The following SYTL3 variants were observed in gnomAD, a reference collection of about 807,000 sequenced individuals.
SYTL3 encodes the protein synaptotagmin like 3.
Under a neutral mutation model 82.1 loss-of-function variants are expected in SYTL3, and 88 were observed. The ratio of observed to expected loss-of-function variants is 1.07; its 90% CI spans 0.90 to 1.28. The LOEUF (loss-of-function observed/expected upper bound fraction) is 1.28. Ranked by LOEUF, SYTL3 falls within the 50% of genes most tolerant of loss-of-function variation. The pLI is 0.00. For synonymous variants in SYTL3, 311 were observed against 289.4 expected (o/e 1.07, Z -0.76); for missense variants, 831 against 757.6 (o/e 1.10, Z -1.14).
chr6:158,676,138 T>C (rs1293014033), intron 5 of SYTL3, among the ~76,000 whole-genome samples: 1 of 152,188 alleles, frequency 6.6e-6, no homozygotes, highest in Non-Finnish European at 1.5e-5. Flanking sequence ...GGCATCACAC[T>C]ACCTGACTTC....
chr6:158,717,707 C>T (rs1168547263), intron 9 of SYTL3, among the ~76,000 whole-genome samples: 1 of 152,046 alleles, frequency 6.6e-6, no homozygotes, highest in Non-Finnish European at 1.5e-5. Context: ...TGTAAGGAAC[C>T]CCTAGAAAGC....
At chr6:158,713,012 G>T (rs550679278) in intron 8 of SYTL3, among the ~76,000 whole-genome samples, 7 of 151,894 alleles carry the variant, frequency 4.6e-5, no homozygotes, top group Non-Finnish European at 8.8e-5. Context: ...CGCCCGCCTC[G>T]GGCTCCCAAA....
At chr6:158,727,507 GGT>G (rs1784879326) in intron 11 of SYTL3, among the ~76,000 whole-genome samples, 1 of 151,938 alleles carries the variant, frequency 6.6e-6, no homozygotes, top group African/African-American at 2.4e-5. Context: ...GGGTCAAACA[GGT>G]GTTCGGCCAT....
upstream of SYTL3, chr6:158,649,931 G>A (rs1198445693): frequency 2.0e-5 from 3 of 152,160 alleles, no homozygotes; most frequent in Non-Finnish European, 4.4e-5. Flanking sequence ...AGCCACCGAG[G>A]CATGTAAGGC....
chr6:158,685,546 C>T (rs954889234), intron 6 of SYTL3, among the ~76,000 whole-genome samples: 48 of 151,126 alleles, frequency 3.2e-4, no homozygotes, highest in African/African-American at 2.4e-4. Flanking sequence ...TGACCGGGCC[C>T]GGTGGCTCAC....
rs746230059 is a variant in SYTL3 at position 158,764,570 on chromosome 6, A to G, written c.1799A>G (p.Asn600Ser). 38 of 1,613,982 alleles carry G rather than the reference A, an allele frequency of 2.4e-5. No individual in the cohort carries two copies. The highest frequency in any genetic ancestry group is 1.7e-4 in the Admixed American group (10 of 60,002). ...TGGCAGAAAGTCCTTTCCAGCCCCA[A>G]TCTATGGACAGACATGACTCTTGTC... ...LQWQKVLSSP[N>S]LWTDMTLVLH The change falls in exon 18 of 18, where the codon AAT becomes AGT. Residue 600 changes from asparagine to serine, a missense_variant. By Grantham distance (46) the Asn-to-Ser change is conservative. Coordinates refer to ENST00000611299, the MANE Select transcript of SYTL3 (RefSeq NM_001242394.2).
chr6:158,725,673 T>G (rs13197497), intron 11 of SYTL3, 36 bp downstream of exon 11: 15 of 1,340,578 alleles, frequency 1.1e-5, no homozygotes, highest in Non-Finnish European at 1.5e-5. Flanking sequence ...TTTGTTTTTT[T>G]GTTTTTTGTT....
chr6:158,729,566 CTTTTTTTTTTTTT>C (rs34172320), intron 11 of SYTL3, among the ~76,000 whole-genome samples: 1 of 132,912 alleles, frequency 7.5e-6, no homozygotes. Context: ...CTTTCTTTTT[CTTTTTTTTTTTTT>C]TTTTTGAGAC....
chr6:158,683,114 A>T, intron 6 of SYTL3, 125 bp downstream of exon 6: 2 of 652,104 alleles, frequency 3.1e-6, no homozygotes, highest in Non-Finnish European at 5.5e-6. Flanking sequence ...ATGTCTTGCC[A>T]TTCCATTTGC....
intron 12 of SYTL3, among the ~76,000 whole-genome samples, chr6:158,749,507 C>CTTTTTTTTTTT (rs765386344): frequency 1.1e-4 from 7 of 66,028 alleles, no homozygotes; most frequent in South Asian, 6.4e-4. Flanking sequence ...TTCTTTCTCT[C>CTTTTTTTTTTT]TTTTTTTTTT....
rs761296878 is a variant in SYTL3 at position 158,719,717 on chromosome 6, C to T, written c.720+1506C>T. On this transcript the variant is annotated intron_variant, in intron 10 of 17. Transcript: ENST00000611299. Reference sequence around the variant, plus strand: ...ACCATATGAAGCCCTGTGTGCCACACGTGGTGGCAGCATTGCTTCTTACCT... The same window carrying T: ...ACCATATGAAGCCCTGTGTGCCACATGTGGTGGCAGCATTGCTTCTTACCT... Among the ~76,000 whole-genome samples the T allele has an allele frequency of 3.3e-5, 5 of 152,314 alleles. No individual in the cohort carries two copies. The South Asian group carries it at 6.2e-4, about 19-fold the overall frequency.
intron 11 of SYTL3, among the ~76,000 whole-genome samples, chr6:158,743,302 C>T (rs1787171776): frequency 6.6e-6 from 1 of 152,222 alleles, no homozygotes; most frequent in South Asian, 2.1e-4. Context: ...TTCTCTTCAG[C>T]ATCTTGGCCC....
At chr6:158,688,372 T>A (rs920535714) in intron 6 of SYTL3, among the ~76,000 whole-genome samples, 1 of 152,226 alleles carries the variant, frequency 6.6e-6, no homozygotes, top group African/African-American at 2.4e-5. Context: ...TGTGCTTATT[T>A]ACAACAGGCT....
Position 158,746,822 on chromosome 6 carries a change from T to A in SYTL3, c.1034+1164T>A, listed in dbSNP as rs1456844703. 1.6e-3 allele frequency among the ~76,000 whole-genome samples: 239 copies of A among 145,984 alleles called. 2 individuals carry two copies. The highest frequency in any genetic ancestry group is 4.0e-4 in the African/African-American group (16 of 39,628). ...ACTAACAAAGATGAGCAACTTGTTTTAAAAAAAAAAAAATAGAGACAGGGT... is the reference window on the plus strand; with the variant it reads ...ACTAACAAAGATGAGCAACTTGTTTAAAAAAAAAAAAAATAGAGACAGGGT... On this transcript the variant is annotated intron_variant, in intron 12 of 17. Coordinates refer to ENST00000611299, the MANE Select transcript of SYTL3 (RefSeq NM_001242394.2).
chr6:158,665,471 T>C lies in SYTL3; in HGVS notation c.187T>C (p.Cys63Arg), dbSNP rs1404984541. 1 of 1,608,010 alleles carries C rather than the reference T, an allele frequency of 6.2e-7. No homozygotes were observed. The highest frequency in any genetic ancestry group is 2.2e-5 in the East Asian group (1 of 44,684). Residue 63 changes from cysteine to arginine, a missense_variant, in exon 5 of 18, where the codon TGT becomes CGT. Transcript: ENST00000611299. ...NTDWEHKEKCCARCQQVLGFL... is the reference protein window; with the variant it reads ...NTDWEHKEKCRARCQQVLGFL... ...GGACTGGGAGCACAAAGAGAAGTGC[T>C]GTGCGCGCTGCCAGCAGGTGCTGGG...
intron 5 of SYTL3, among the ~76,000 whole-genome samples, chr6:158,665,851 C>T (rs1480805812): frequency 1.3e-5 from 2 of 151,924 alleles, no homozygotes; most frequent in Non-Finnish European, 2.9e-5. Context: ...GGCTCATGAC[C>T]GTAATCCTAG....
intron 4 of SYTL3, among the ~76,000 whole-genome samples, chr6:158,664,216 T>G (rs1789734441): frequency 6.6e-6 from 1 of 152,202 alleles, no homozygotes; most frequent in Non-Finnish European, 1.5e-5. Flanking sequence ...ATTTCAAAGC[T>G]TTCTAAGTGC....
At position 158,763,420 on chromosome 6, in the gene SYTL3, T is replaced by C. The variant is rs1485368724; in HGVS notation, c.1634T>C (p.Leu545Pro). 5 of 1,614,238 alleles carry C rather than the reference T, an allele frequency of 3.1e-6. No homozygotes were observed. Among genetic ancestry groups the C allele is most frequent in the Non-Finnish European group, 1.7e-6 (2 of 1,180,030 alleles). Reference sequence around the variant, plus strand: ...TTCAGTGGCGTAACCCCAGCTCAGCTGAGGCAGTCAAGCTTGGAGTTAACT... The same window carrying C: ...TTCAGTGGCGTAACCCCAGCTCAGCCGAGGCAGTCAAGCTTGGAGTTAACT... ...FVFSGVTPAQ[L>P]RQSSLELTVW... The change falls in exon 17 of 18, where the codon CTG becomes CCG. Residue 545 changes from leucine (L) to proline (P), a missense_variant. Coordinates refer to ENST00000611299, the MANE Select transcript of SYTL3 (RefSeq NM_001242394.2).
At chr6:158,678,984 A>C (rs992729445) in intron 5 of SYTL3, among the ~76,000 whole-genome samples, 10 of 152,194 alleles carry the variant, frequency 6.6e-5, no homozygotes, top group Middle Eastern at 3.2e-3. Context: ...AATGAATCAC[A>C]CTACCCTGTG....
Sources: allele counts gnomAD v4.1 joint callset (sites outside exome capture counted in the v4.1 genomes callset), GRCh38; gene constraint gnomAD v4.1.1; transcripts MANE v1.5; gene names NCBI Gene and HGNC (gene_info 2026-07-23, HGNC 2026-07-21).